PCDHGA2: variants seen among roughly 807,000 people sequenced by gnomAD.
PCDHGA2 encodes protocadherin gamma subfamily A, 2, also known as protocadherin gamma-A2.
PCDHGA2 carries 40 observed loss-of-function variants against 59.2 expected under a neutral mutation model. The ratio of observed to expected loss-of-function variants is 0.68; its 90% confidence interval spans 0.52 to 0.88. PCDHGA2 has a LOEUF of 0.88. PCDHGA2 is among the 40% of genes least tolerant of loss of function. PCDHGA2 has a pLI of 0.00. For missense variants in PCDHGA2, 1,226 were observed against 1,204.0 expected (o/e 1.02, Z -0.27); for synonymous variants, 560 against 526.0 (o/e 1.06, Z -0.89).
chr5:141,373,523 C>CA (rs1248195840), intron 1 of PCDHGA2, among the ~76,000 whole-genome samples: 5 of 151,934 alleles, frequency 3.3e-5, no homozygotes, highest in African/African-American at 7.3e-5. Flanking sequence ...ACTTTGTCTC[C>CA]AAAAAAGTGT....
intron 1 of PCDHGA2, chr5:141,417,545 T>C: frequency 3.2e-6 from 1 of 312,052 alleles, no homozygotes; most frequent in East Asian, 5.5e-5. Context: ...AAAAAATTCC[T>C]TGAAAGAGGT....
At chr5:141,351,267 A>G (rs1469509161) in intron 1 of PCDHGA2, 1 of 1,614,032 alleles carries the variant, frequency 6.2e-7, no homozygotes, top group Admixed American at 1.7e-5. Context: ...ATTGTTGACG[A>G]GAATGACAAT....
chr5:141,370,090 A>G (rs1766666321), intron 1 of PCDHGA2, among the ~76,000 whole-genome samples: 1 of 152,252 alleles, frequency 6.6e-6, no homozygotes, highest in South Asian at 2.1e-4. Context: ...CACTATCAGT[A>G]CACTGCCGAT....
intron 1 of PCDHGA2, chr5:141,352,086 A>T: frequency 6.2e-7 from 1 of 1,605,322 alleles, no homozygotes; most frequent in Non-Finnish European, 8.5e-7. Context: ...CAGGCCAGCG[A>T]GCCCGGGCTC....
At chr5:141,420,210 A>T (rs1415966611) in intron 1 of PCDHGA2, 1 of 1,612,612 alleles carries the variant, frequency 6.2e-7, no homozygotes, top group East Asian at 2.2e-5. Flanking sequence ...CTCAACAAAG[A>T]TAGCATGCTA....
intron 1 of PCDHGA2, chr5:141,370,168 C>T (rs890245618): frequency 2.2e-6 from 1 of 458,196 alleles, no homozygotes; most frequent in East Asian, 3.2e-5. Flanking sequence ...GCAGCAGAGG[C>T]GCCGGGTGCC....
chr5:141,497,730 G>T (rs13182286), intron 2 of PCDHGA2, among the ~76,000 whole-genome samples: 247 of 152,136 alleles, frequency 1.6e-3, no homozygotes, highest in Non-Finnish European at 2.8e-3. Flanking sequence ...AGTAGAGATG[G>T]GTTTCGCCAC....
At chr5:141,405,094 C>T (rs1289372327) in intron 1 of PCDHGA2, 4 of 1,613,840 alleles carry the variant, frequency 2.5e-6, no homozygotes, top group Non-Finnish European at 3.4e-6. Flanking sequence ...TGCTGGCCCT[C>T]AGGCTGAGGC....
intron 1 of PCDHGA2, chr5:141,355,385 G>A (rs746094461): frequency 1.2e-6 from 2 of 1,614,056 alleles, no homozygotes; most frequent in Non-Finnish European, 1.7e-6. Flanking sequence ...CTGGCGGAGC[G>A]CGGAGTCCGC....
chr5:141,374,494 A>G (rs1307461844), intron 1 of PCDHGA2: 12 of 1,611,426 alleles, frequency 7.4e-6, no homozygotes, highest in Non-Finnish European at 9.3e-6. Context: ...TAAAGGAAGA[A>G]TTGGAAGTGA....
chr5:141,491,414 G>T lies in PCDHGA2; in HGVS notation c.2425-3393G>T, dbSNP rs137987971. ...CTTCAGGGAAACGCAGACGGGGACGGGGGTGGAGGGCAGTGCTGCAGGCGC... is the reference window on the plus strand; with the variant it reads ...CTTCAGGGAAACGCAGACGGGGACGTGGGTGGAGGGCAGTGCTGCAGGCGC... On this transcript the variant is annotated intron_variant, in intron 1 of 3. Coordinates refer to ENST00000394576, the MANE Select transcript of PCDHGA2 (RefSeq NM_018915.4). The surrounding 1 kb of genome is among the most constrained non-coding windows in gnomAD (Gnocchi z 6.9). 1.9e-6 allele frequency: 3 copies of T among 1,614,008 alleles called. No homozygotes were observed. Among genetic ancestry groups the T allele is most frequent in the Non-Finnish European group, 2.5e-6 (3 of 1,180,030 alleles).
intron 1 of PCDHGA2, chr5:141,422,319 TAC>T: frequency 6.5e-7 from 1 of 1,548,220 alleles, no homozygotes; most frequent in Admixed American, 2.1e-5. Flanking sequence ...CTCCTCCAGG[TAC>T]AGTGATTGCT....
At chr5:141,352,793 C>A in intron 1 of PCDHGA2, 1 of 972,824 alleles carries the variant, frequency 1.0e-6, no homozygotes. Flanking sequence ...AGTTTGAGAC[C>A]AGCATAGCCA....
rs2099883887 is a variant in PCDHGA2, at chr5:141,511,641, ACC to A, written c.*469_*470del. 4.4e-6 allele frequency: 1 copy of A among 224,930 alleles called. No homozygotes were observed. Among genetic ancestry groups the A allele is most frequent in the Non-Finnish European group, 9.1e-6 (1 of 110,428 alleles). 13.9% of individuals were successfully genotyped at this position (224,930 alleles called of 1,614,324 possible). A position where few individuals can be genotyped will look rare whatever the true frequency, so the allele number is the denominator to read the frequency against. ...TCTGAAAAGTTGGAAGGGCATCATG[ACC>A]TCTTGGCCTCTCCTTTGATTCTCAA... On this transcript the variant is annotated 3_prime_UTR_variant, in exon 4 of 4. Coordinates refer to ENST00000394576, the MANE Select transcript of PCDHGA2 (RefSeq NM_018915.4).
intron 1 of PCDHGA2, chr5:141,392,909 C>T: frequency 1.2e-6 from 2 of 1,613,876 alleles, no homozygotes; most frequent in Admixed American, 3.3e-5. Flanking sequence ...GACAGATTCG[C>T]TACTCTGTGC....
intron 1 of PCDHGA2, chr5:141,378,952 A>C (rs1276367452): frequency 6.6e-6 from 1 of 152,232 alleles, no homozygotes; most frequent in East Asian, 1.9e-4. Flanking sequence ...AATGGAGTAC[A>C]GGGGATTCTC....
rs576044355 is a variant in PCDHGA2 at position 141,375,342 on chromosome 5, T to A, written c.2424+33947T>A. 97 of 1,613,798 alleles carry A rather than the reference T, an allele frequency of 6.0e-5. 3 individuals are homozygous for A. In the South Asian group the frequency reaches 9.8e-4, roughly 16 times the overall value. On this transcript the variant is annotated intron_variant, in intron 1 of 3. Transcript: ENST00000394576. Reference sequence around the variant, plus strand: ...CGGGAAGAGGTATTCTTGTACAACATCACTGTGACAGCCACGGACAAAGGA... The same window carrying A: ...CGGGAAGAGGTATTCTTGTACAACAACACTGTGACAGCCACGGACAAAGGA...
At chr5:141,478,519 G>A in intron 1 of PCDHGA2, 2 of 1,610,728 alleles carry the variant, frequency 1.2e-6, no homozygotes, top group Non-Finnish European at 1.7e-6. Context: ...GGCAGGTGTT[G>A]GGTGCAGAGA....
At chr5:141,415,458 C>T in intron 1 of PCDHGA2, 5 of 1,614,204 alleles carry the variant, frequency 3.1e-6, no homozygotes, top group Non-Finnish European at 4.2e-6. Flanking sequence ...CCCACGAGGT[C>T]TCTCTCACCG....
Sources: allele counts gnomAD v4.1 joint callset (sites outside exome capture counted in the v4.1 genomes callset), GRCh38; gene constraint gnomAD v4.1.1; non-coding constraint Gnocchi (gnomAD v3.1); transcripts MANE v1.5; gene names NCBI Gene and HGNC (gene_info 2026-07-23, HGNC 2026-07-21).